The following ASTN2 variants were observed in gnomAD, a reference collection of about 807,000 sequenced individuals.
ASTN2 encodes the protein astrotactin-2.
Under a neutral mutation model 139.8 loss-of-function variants are expected in ASTN2, and 54 were observed. The ratio of observed to expected loss-of-function variants is 0.39; its 90% CI spans 0.31 to 0.48. The LOEUF (loss-of-function observed/expected upper bound fraction) is 0.48, where lower values mean the gene tolerates loss of function less well. ASTN2 is among the 20% of genes least tolerant of loss of function. The pLI is 0.95. For missense variants in ASTN2, 1,565 were observed against 1,725.1 expected (o/e 0.91, Z 1.64); for synonymous variants, 756 against 719.5 (o/e 1.05, Z -0.81).
chr9:117,330,554 G>T (rs1828672088), intron 1 of ASTN2, among the ~76,000 whole-genome samples: 1 of 152,094 alleles, frequency 6.6e-6, no homozygotes, highest in African/African-American at 2.4e-5. Flanking sequence ...TTGACCATTG[G>T]TGTGAGACCC....
intron 17 of ASTN2, among the ~76,000 whole-genome samples, chr9:116,639,887 G>A (rs1329439855): frequency 6.6e-6 from 1 of 152,012 alleles, no homozygotes; most frequent in African/African-American, 2.4e-5. Context: ...GAGTGTCAGT[G>A]CAAGCTGGTG....
chr9:116,429,506 T>G (rs1348112651), intron 22 of ASTN2, among the ~76,000 whole-genome samples: 1 of 152,170 alleles, frequency 6.6e-6, no homozygotes, highest in Admixed American at 6.5e-5. Context: ...ATGGCTCACC[T>G]CATAAAGTTA....
At chr9:117,332,639 C>T (rs1828749251) in intron 1 of ASTN2, among the ~76,000 whole-genome samples, 1 of 152,110 alleles carries the variant, frequency 6.6e-6, no homozygotes, top group Non-Finnish European at 1.5e-5. Flanking sequence ...AAAATGAAGG[C>T]TTGGGGGCTT....
At chr9:117,303,464 C>T (rs1220744040) in intron 1 of ASTN2, among the ~76,000 whole-genome samples, 2 of 152,142 alleles carry the variant, frequency 1.3e-5, no homozygotes, top group Non-Finnish European at 2.9e-5. Flanking sequence ...CCCCTACCCT[C>T]TCCTTCACCC....
At chr9:117,360,914 T>C (rs894743401) in intron 1 of ASTN2, among the ~76,000 whole-genome samples, 2 of 152,206 alleles carry the variant, frequency 1.3e-5, no homozygotes, top group Non-Finnish European at 2.9e-5. Flanking sequence ...ACAGTTTTTT[T>C]CCCCCTTCCA....
intron 4 of ASTN2, among the ~76,000 whole-genome samples, chr9:117,107,795 T>C (rs1829144064): frequency 2.6e-5 from 4 of 152,236 alleles, no homozygotes; most frequent in Admixed American, 2.6e-4. Flanking sequence ...TTTCCTATCA[T>C]GTATTTGTAG....
At chr9:117,347,911 G>A (rs12552082) in intron 1 of ASTN2, among the ~76,000 whole-genome samples, 35,789 of 152,064 alleles carry the variant, frequency 0.24, 4,822 homozygotes, top group East Asian at 0.39. Flanking sequence ...AGACTAACAT[G>A]GCATATTAAT....
intron 17 of ASTN2, among the ~76,000 whole-genome samples, chr9:116,644,348 G>A (rs540614110): frequency 3.8e-4 from 58 of 152,134 alleles, no homozygotes; most frequent in Non-Finnish European, 6.9e-4. Context: ...AATGCTCACA[G>A]GATTGGAAGT....
rs115714886 is a variant in ASTN2, at chr9:117,040,999, T to C, written c.1277-1034A>G. Among the ~76,000 whole-genome samples the C allele has an allele frequency of 1.6e-3, 239 of 152,304 alleles. 1 individual carries two copies. The highest frequency in any genetic ancestry group is 5.5e-3 in the African/African-American group (230 of 41,570). Reference sequence around the variant, plus strand: ...GGGAAAAGTCAAGCTTATCCATAGCTAATTAGATTCTAACACAAATTGTGT... The same window carrying C: ...GGGAAAAGTCAAGCTTATCCATAGCCAATTAGATTCTAACACAAATTGTGT... On this transcript the variant is annotated intron_variant, in intron 5 of 22. Coordinates refer to ENST00000313400, the MANE Select transcript of ASTN2 (RefSeq NM_001365068.1).
At chr9:116,833,903 G>C (rs966861420) in intron 11 of ASTN2, among the ~76,000 whole-genome samples, 1 of 152,128 alleles carries the variant, frequency 6.6e-6, no homozygotes, top group East Asian at 1.9e-4. Flanking sequence ...AAGAGGATGG[G>C]AGACCAGAGT....
intron 5 of ASTN2, among the ~76,000 whole-genome samples, chr9:117,058,554 A>C (rs1285582384): frequency 1.3e-5 from 2 of 152,212 alleles, no homozygotes; most frequent in Admixed American, 6.5e-5. Context: ...ACAACTAATA[A>C]AATTTTAACC....
intron 22 of ASTN2, chr9:116,437,188 A>G: frequency 2.7e-6 from 1 of 376,816 alleles, no homozygotes; most frequent in African/African-American, 2.1e-5. Flanking sequence ...CCTAAAACTT[A>G]AAGTATAATA....
chr9:117,196,212 T>C (rs1831497375), intron 3 of ASTN2, among the ~76,000 whole-genome samples: 1 of 152,232 alleles, frequency 6.6e-6, no homozygotes, highest in East Asian at 1.9e-4. Flanking sequence ...TCCTCCTCTG[T>C]ACAGTAGGGA....
chr9:116,568,290 A>G (rs1297553677), intron 19 of ASTN2, among the ~76,000 whole-genome samples: 1 of 152,234 alleles, frequency 6.6e-6, no homozygotes, highest in Non-Finnish European at 1.5e-5. Flanking sequence ...TCAATACTGT[A>G]CTAGTGGACT....
chr9:116,684,367 A>C (rs1860070707), intron 16 of ASTN2, among the ~76,000 whole-genome samples: 1 of 152,162 alleles, frequency 6.6e-6, no homozygotes, highest in African/African-American at 2.4e-5. Flanking sequence ...GAGAGAGAGA[A>C]ATTATGCTTC....
At chr9:117,405,426 A>G (rs983697625) in intron 1 of ASTN2, among the ~76,000 whole-genome samples, 3 of 152,232 alleles carry the variant, frequency 2.0e-5, no homozygotes, top group Non-Finnish European at 2.9e-5. Context: ...AGAATAGATA[A>G]CAAATGTACC....
intron 1 of ASTN2, among the ~76,000 whole-genome samples, chr9:117,404,799 G>A (rs543172583): frequency 2.0e-5 from 3 of 152,100 alleles, no homozygotes; most frequent in Non-Finnish European, 2.9e-5. Flanking sequence ...GTAAACACTT[G>A]GCAGAGCATG....
intron 10 of ASTN2, among the ~76,000 whole-genome samples, chr9:116,929,799 C>T (rs1461416990): frequency 6.6e-6 from 1 of 152,178 alleles, no homozygotes; most frequent in African/African-American, 2.4e-5. Flanking sequence ...CTTAATTAGA[C>T]TATTTAAAAC....
intron 13 of ASTN2, among the ~76,000 whole-genome samples, chr9:116,785,633 G>A (rs1379704565): frequency 3.9e-5 from 6 of 152,116 alleles, no homozygotes; most frequent in East Asian, 1.9e-4. Context: ...TGGCACATCC[G>A]TCTGTCCAAC....
Sources: gnomAD v4.1 joint callset for allele counts (sites outside exome capture counted in the v4.1 genomes callset) on GRCh38, gnomAD v4.1.1 for gene constraint, MANE v1.5 for transcripts, NCBI Gene and HGNC (gene_info 2026-07-23, HGNC 2026-07-21) for gene names.